Variants in CFAP221 observed in about 807,000 individuals in gnomAD.
CFAP221 encodes cilia and flagella associated protein 221, also known as cilia- and flagella-associated protein 221.
A neutral mutation model predicts 113.1 loss-of-function variants in CFAP221; 97 were observed. The observed-to-expected ratio is 0.86, with a 90% confidence interval of 0.73 to 1.02. CFAP221 has a LOEUF of 1.02. Ranked by LOEUF, CFAP221 falls within the 50% of genes least tolerant of loss-of-function variation. The pLI, the probability that CFAP221 is intolerant of heterozygous loss-of-function variation, is 0.00. For missense variants in CFAP221, 1,025 were observed against 1,013.4 expected, an observed-to-expected ratio of 1.01 and a Z score of -0.16; for synonymous variants, 331 against 354.4, an observed-to-expected ratio of 0.93 and a Z score of 0.74.
chr2:119,649,800 T>C (rs879869726), intron 22 of CFAP221, among the ~76,000 whole-genome samples: 57 of 152,180 alleles, frequency 3.7e-4, no homozygotes, highest in Non-Finnish European at 6.5e-4. Flanking sequence ...GCATTCTCAG[T>C]ACATCCTTGT....
chr2:119,630,725 T>C (rs932748488), intron 18 of CFAP221, 42 bp from the exon 19 acceptor site: 46 of 1,605,196 alleles, frequency 2.9e-5, no homozygotes, highest in Admixed American at 1.3e-4. Flanking sequence ...TTCCCTCTTA[T>C]CCTGGCATCA....
chr2:119,630,480 C>A, intron 17 of CFAP221, 90 bp from the exon 18 acceptor site: 2 of 971,770 alleles, frequency 2.1e-6, no homozygotes, highest in Middle Eastern at 2.2e-4. Flanking sequence ...ACTTTTACCA[C>A]CAGGAAGCTC....
intron 22 of CFAP221, among the ~76,000 whole-genome samples, chr2:119,650,973 ATT>A (rs1481851009): frequency 6.6e-6 from 1 of 152,194 alleles, no homozygotes; most frequent in Non-Finnish European, 1.5e-5. Flanking sequence ...CATTTCTCTA[ATT>A]GAGTGTGGTG....
chr2:119,616,728 C>T (rs972247515), intron 14 of CFAP221, among the ~76,000 whole-genome samples: 2 of 152,230 alleles, frequency 1.3e-5, no homozygotes, highest in African/African-American at 4.8e-5. Flanking sequence ...CTGCTCTCAG[C>T]TCTGACTATA....
Position 119,582,602 on chromosome 2 carries a change from C to T in CFAP221, c.528-4517C>T, listed in dbSNP as rs551844767. On this transcript the variant is annotated intron_variant, in intron 6 of 23. Coordinates refer to ENST00000413369, the MANE Select transcript of CFAP221 (RefSeq NM_001271049.2). ...TCCCGAGCAGCTGGGACTACAGGCA[C>T]ACGCAACTGTGCCCAGCTAATTTTT... Among the ~76,000 whole-genome samples, 16 of 152,040 alleles carry T rather than the reference C, an allele frequency of 1.1e-4. 1 individual carries two copies. The highest frequency in any genetic ancestry group is 3.6e-4 in the African/African-American group (15 of 41,474).
intron 2 of CFAP221, among the ~76,000 whole-genome samples, chr2:119,548,323 C>T (rs1218941535): frequency 6.6e-6 from 1 of 152,174 alleles, no homozygotes; most frequent in African/African-American, 2.4e-5. Flanking sequence ...TTACCTCCTT[C>T]ATCTGTAAAG....
rs538704632 is a variant in CFAP221, at chr2:119,562,868, T to C, written c.527+754T>C. ...CTCTAATCCCTTATGTCAAATGGCA[T>C]AGAGTGGGCCTGGTGGCTCACGCTT... is the stretch of plus-strand genomic sequence containing the variant. On this transcript the variant is annotated intron_variant, in intron 6 of 23. Transcript: ENST00000413369. Among the ~76,000 whole-genome samples the C allele has an allele frequency of 3.3e-5, 5 of 152,284 alleles. No homozygotes were observed. The South Asian group carries it at 8.3e-4, about 25-fold the overall frequency.
chr2:119,597,767 G>T (rs904237698), intron 7 of CFAP221, among the ~76,000 whole-genome samples: 2 of 152,134 alleles, frequency 1.3e-5, no homozygotes, highest in Non-Finnish European at 2.9e-5. Context: ...TTTCCCATTG[G>T]TTACTTGATG....
chr2:119,544,878 C>T (rs906947019), intron 1 of CFAP221, among the ~76,000 whole-genome samples: 2 of 152,080 alleles, frequency 1.3e-5, no homozygotes, highest in Non-Finnish European at 2.9e-5. Flanking sequence ...GCGTGGAGAC[C>T]GCCTGGCTCC....
downstream of CFAP221, among the ~76,000 whole-genome samples, chr2:119,659,552 C>A (rs1211201639): frequency 1.3e-5 from 2 of 152,286 alleles, no homozygotes; most frequent in Non-Finnish European, 2.9e-5. Context: ...CCCATGGGTA[C>A]CCACCCTTCC....
chr2:119,630,939 C>T, intron 19 of CFAP221, 38 bp downstream of exon 19: 1 of 1,603,578 alleles, frequency 6.2e-7, no homozygotes, highest in South Asian at 1.1e-5. Flanking sequence ...TTTCTGTGTT[C>T]CTTTATTTCA....
At chr2:119,614,428 A>C (rs1332013361) in intron 13 of CFAP221, among the ~76,000 whole-genome samples, 3 of 152,194 alleles carry the variant, frequency 2.0e-5, no homozygotes, top group Admixed American at 2.0e-4. Flanking sequence ...TTTATAAAGG[A>C]AAGAGGTTTA....
At chr2:119,612,234 A>T (rs530349876) in intron 13 of CFAP221, among the ~76,000 whole-genome samples, 3 of 152,214 alleles carry the variant, frequency 2.0e-5, no homozygotes, top group Non-Finnish European at 4.4e-5. Flanking sequence ...CCACCTGATT[A>T]TCTCTGTCTT....
rs1403653352 is a variant in CFAP221, at chr2:119,546,219, G to A, written c.88G>A (p.Val30Met). The change falls in exon 2 of 24, where the codon GTG becomes ATG. Residue 30 changes from valine (V) to methionine (M), a missense_variant. Physicochemically the swap from Val to Met is conservative, Grantham distance 21 (BLOSUM62 1). Coordinates refer to ENST00000413369, the MANE Select transcript of CFAP221 (RefSeq NM_001271049.2). ...ATCACCCCATCTCTTGAAGAACCTA[G>A]TGGAGGAGCCGAAAAAAAGAAAAGA... ...NASPHLLKNL[V>M]EEPKKRKEVP... The A allele has an allele frequency of 2.6e-6, 4 of 1,535,736 alleles. No individual in the cohort carries two copies. The African/African-American group carries it at 4.1e-5, about 16-fold the overall frequency.
chr2:119,610,261 C>T (rs1685058856), intron 12 of CFAP221, among the ~76,000 whole-genome samples: 4 of 152,214 alleles, frequency 2.6e-5, no homozygotes, highest in South Asian at 2.1e-4. Context: ...GGAGATCAAA[C>T]GTCTCAGGGA....
intron 21 of CFAP221, 110 bp downstream of exon 21, chr2:119,639,982 C>T: frequency 1.1e-6 from 1 of 914,226 alleles, no homozygotes; most frequent in Non-Finnish European, 1.7e-6. Flanking sequence ...ACTTTTAAAG[C>T]ATGAGAGAAG....
At chr2:119,616,478 G>T (rs1685534394) in intron 14 of CFAP221, among the ~76,000 whole-genome samples, 1 of 152,192 alleles carries the variant, frequency 6.6e-6, no homozygotes, top group Non-Finnish European at 1.5e-5. Context: ...CAGGCTTAAT[G>T]CATGCCTTTC....
At chr2:119,629,144 T>G (rs1249294427) in intron 16 of CFAP221, among the ~76,000 whole-genome samples, 1 of 152,238 alleles carries the variant, frequency 6.6e-6, no homozygotes. Flanking sequence ...TTGTGGCATA[T>G]TAACGTTTCA....
intron 19 of CFAP221, among the ~76,000 whole-genome samples, chr2:119,632,175 T>C (rs1686815954): frequency 6.6e-6 from 1 of 152,094 alleles, no homozygotes; most frequent in Non-Finnish European, 1.5e-5. Flanking sequence ...CTAGTATTAC[T>C]CTGATACCAA....
Sources: gnomAD v4.1 joint callset for allele counts (sites outside exome capture counted in the v4.1 genomes callset) on GRCh38, gnomAD v4.1.1 for gene constraint, MANE v1.5 for transcripts, NCBI Gene and HGNC (gene_info 2026-07-23, HGNC 2026-07-21) for gene names.